PHKG2: variants seen among roughly 807,000 people sequenced by gnomAD.
PHKG2 encodes phosphorylase b kinase gamma catalytic chain, liver/testis isoform.
In PHKG2, 28 loss-of-function variants were observed where a neutral mutation model predicts 44.5. That is an observed-to-expected ratio of 0.63 (90% CI 0.47 to 0.86). The LOEUF is 0.86. Among genes scored for constraint, PHKG2 ranks in the 40% least tolerant of loss-of-function variants. PHKG2 has a pLI of 0.00. For missense variants in PHKG2, 498 were observed against 547.5 expected (o/e 0.91, Z 0.90); for synonymous variants, 220 against 211.2 (o/e 1.04, Z -0.36).
intron 6 of PHKG2, among the ~76,000 whole-genome samples, chr16:30,755,627 G>T (rs542502876): frequency 6.6e-6 from 1 of 151,926 alleles, no homozygotes; most frequent in African/African-American, 2.4e-5. Flanking sequence ...ATTGAGCCGA[G>T]ATCATGCCAT....
rs2053727981 is a variant in PHKG2, at chr16:30,760,923, A to AG, written c.*3827dup. The AG allele has an allele frequency of 3.3e-6, 2 of 612,396 alleles. No individual in the cohort carries two copies. Among genetic ancestry groups the AG allele is most frequent in the Admixed American group, 5.7e-5 (2 of 34,814 alleles). 37.9% of individuals were successfully genotyped at this position (612,396 alleles called of 1,614,324 possible). On this transcript the variant is annotated 3_prime_UTR_variant, in exon 10 of 10. Transcript: ENST00000563588. ...CCACTACCTTGTATGACCTTGGTCA[A>AG]GTACTCCCTGTGGCCCTCAGTGTCC...
rs753334153 is a variant in PHKG2 at position 30,757,082 on chromosome 16, G to T, written c.1206G>T (p.Val402=). The T allele has an allele frequency of 1.2e-6, 2 of 1,613,208 alleles. No homozygotes were observed. The highest frequency in any genetic ancestry group is 2.7e-5 in the African/African-American group (2 of 74,934). The change falls in exon 10 of 10, where the codon GTG becomes GTT. Residue 402 remains valine, a synonymous_variant. Coordinates refer to ENST00000563588, the MANE Select transcript of PHKG2 (RefSeq NM_000294.3). ...DSAAITEDEA[V]LVLG ...CTGCTATAACTGAGGATGAGGCCGT[G>T]CTTGTGCTGGGCTAGGACCTCAACC...
At position 30,760,391 on chromosome 16, in the gene PHKG2, A is replaced by G; in HGVS notation, c.*3294A>G. The G allele has an allele frequency of 6.2e-7, 1 of 1,614,212 alleles. No homozygotes were observed. The highest frequency in any genetic ancestry group is 8.5e-7 in the Non-Finnish European group (1 of 1,180,046). ...AATGAGCGCGTGGCAGAAGAGGTCC[A>G]GGGTGATGGCGTCCCTCAGGCTCTG... On this transcript the variant is annotated 3_prime_UTR_variant, in exon 10 of 10. Coordinates refer to ENST00000563588, the MANE Select transcript of PHKG2 (RefSeq NM_000294.3).
chr16:30,755,271 G>A (rs771869825), intron 6 of PHKG2: 15 of 185,088 alleles, frequency 8.1e-5, no homozygotes, highest in East Asian at 1.4e-4. Context: ...ATACAGACTT[G>A]GATAAAGTTT....
chr16:30,749,163 G>C (rs961677858), intron 2 of PHKG2, among the ~76,000 whole-genome samples: 6 of 143,586 alleles, frequency 4.2e-5, no homozygotes, highest in East Asian at 2.0e-4. Context: ...GGTGCTGGTG[G>C]TGGTGGTGCT....
Position 30,753,429 on chromosome 16 carries a change from T to C in PHKG2, c.428T>C (p.Phe143Ser). 6.2e-7 allele frequency: 1 copy of C among 1,614,192 alleles called. No homozygotes were observed. Among genetic ancestry groups the C allele is most frequent in the Non-Finnish European group, 8.5e-7 (1 of 1,180,038 alleles). ...IMRSLLEAVS[F>S]LHANNIVHRD... ...CGGTCTCTGCTGGAAGCAGTGAGCTTTCTCCATGCCAACAACATTGTGCAT... is the reference window on the plus strand; with the variant it reads ...CGGTCTCTGCTGGAAGCAGTGAGCTCTCTCCATGCCAACAACATTGTGCAT... Residue 143 changes from phenylalanine to serine, a missense_variant, in exon 6 of 10, where the codon TTT becomes TCT. Physicochemically the swap from Phe to Ser is radical, Grantham distance 155. Transcript: ENST00000563588.
chr16:30,751,795 C>A lies in PHKG2; in HGVS notation c.326+192C>A. Reference sequence around the variant, plus strand: ...CTTGGTGCCATGATTGAGGCAAATTCTTTAATAGTGACTAGTGGCTGGGTG... The same window carrying A: ...CTTGGTGCCATGATTGAGGCAAATTATTTAATAGTGACTAGTGGCTGGGTG... On this transcript the variant is annotated intron_variant, in intron 4 of 9. Transcript: ENST00000563588. The A allele has an allele frequency of 4.3e-6, 3 of 698,454 alleles. No homozygotes were observed. In the South Asian group the frequency reaches 4.5e-5, roughly 10 times the overall value. 43.3% of individuals were successfully genotyped at this position (698,454 alleles called of 1,614,324 possible).
intron 8 of PHKG2, 22 bp downstream of exon 8, chr16:30,756,542 A>G (rs1423564716): frequency 6.2e-7 from 1 of 1,612,934 alleles, no homozygotes; most frequent in Non-Finnish European, 8.5e-7. Context: ...CTGAGAGGAC[A>G]GTAGGGGAGG....
chr16:30,748,945 CA>C, intron 2 of PHKG2, 30 bp downstream of exon 2: 2 of 1,498,746 alleles, frequency 1.3e-6, no homozygotes, highest in South Asian at 2.4e-5. Context: ...AACGGAGGTC[CA>C]AAGAGGTCGA....
intron 6 of PHKG2, among the ~76,000 whole-genome samples, chr16:30,755,834 C>T (rs1263287019): frequency 6.6e-6 from 1 of 152,030 alleles, no homozygotes; most frequent in Non-Finnish European, 1.5e-5. Flanking sequence ...CATAATCTTT[C>T]CATATGCATT....
In PHKG2 at chr16:30,760,272, GC is replaced by G; in HGVS notation, c.*3180del. The G allele has an allele frequency of 6.2e-7, 1 of 1,614,120 alleles. No homozygotes were observed. The highest frequency in any genetic ancestry group is 8.5e-7 in the Non-Finnish European group (1 of 1,180,040). On this transcript the variant is annotated 3_prime_UTR_variant, in exon 10 of 10. Coordinates refer to ENST00000563588, the MANE Select transcript of PHKG2 (RefSeq NM_000294.3). ...TCCCTGGGGCTCAAACCTGGTAGCT[GC>G]CCCCTCTCACCAATACAAGCCTTGT... is the stretch of plus-strand genomic sequence containing the variant.
chr16:30,748,746 G>T (rs922503265), intron 1 of PHKG2, 57 bp from the exon 2 acceptor site: 4 of 923,972 alleles, frequency 4.3e-6, no homozygotes, highest in Non-Finnish European at 6.4e-6. Context: ...GCCGCCATGC[G>T]GGTCGTCTCA....
In PHKG2 at chr16:30,759,473, C is replaced by T. The variant is rs543365803; in HGVS notation, c.*2376C>T. On this transcript the variant is annotated 3_prime_UTR_variant, in exon 10 of 10. Coordinates refer to ENST00000563588, the MANE Select transcript of PHKG2 (RefSeq NM_000294.3). ...AAAGGAGGCCGCTGTGGTGGTGACT[C>T]GGAATTAGAACCCTGACTACCTTCC... 142 of 1,614,096 alleles carry T rather than the reference C, an allele frequency of 8.8e-5. No homozygotes were observed. The highest frequency in any genetic ancestry group is 1.6e-4 in the East Asian group (7 of 44,834).
chr16:30,757,280 AG>A lies in PHKG2; in HGVS notation c.*186del, dbSNP rs1446802490. On this transcript the variant is annotated 3_prime_UTR_variant, in exon 10 of 10. Transcript: ENST00000563588. ...ACTCTGAGATCAGAGCTGGGGTGGA[AG>A]GGAGCCATTCTGAACGCCACGCCTG... 2.6e-6 allele frequency: 4 copies of A among 1,548,764 alleles called. No individual in the cohort carries two copies. The highest frequency in any genetic ancestry group is 3.5e-6 in the Non-Finnish European group (4 of 1,156,106).
Position 30,757,473 on chromosome 16 carries a change from G to C in PHKG2, c.*376G>C, listed in dbSNP as rs1278230070. 6.2e-7 allele frequency: 1 copy of C among 1,612,080 alleles called. No homozygotes were observed. Among genetic ancestry groups the C allele is most frequent in the Non-Finnish European group, 8.5e-7 (1 of 1,178,754 alleles). On this transcript the variant is annotated 3_prime_UTR_variant, in exon 10 of 10. Transcript: ENST00000563588. ...AGACCTTTATTGGGGAAAATGTTGG[G>C]GGTCACTTGGTCTTGCTCTTGCCTT...
At position 30,748,436 on chromosome 16, in the gene PHKG2, A is replaced by C; in HGVS notation, c.-73A>C. The stretch of plus-strand genomic sequence containing the variant: ...GGGTTAAGGTGAGCGACTGCAGGCA[A>C]ACCCGGCGACAGCGCAGCTCGCGTC... On this transcript the variant is annotated 5_prime_UTR_variant, in exon 1 of 10. Transcript: ENST00000563588. 1 of 260,760 alleles carries C rather than the reference A, an allele frequency of 3.8e-6. No homozygotes were observed. Among genetic ancestry groups the C allele is most frequent in the Non-Finnish European group, 7.4e-6 (1 of 134,602 alleles). The allele number at this position is 260,760 out of a possible 1,614,324, so 16.2% of individuals were successfully genotyped here. A position where few individuals can be genotyped will look rare whatever the true frequency, so the allele number is the denominator to read the frequency against.
At chr16:30,752,249 T>C (rs1419526739) in intron 4 of PHKG2, among the ~76,000 whole-genome samples, 1 of 137,800 alleles carries the variant, frequency 7.3e-6, no homozygotes, top group Non-Finnish European at 1.6e-5. Flanking sequence ...ATACAAAAAA[T>C]TGGCCAGGCA....
At position 30,759,864 on chromosome 16, in the gene PHKG2, T is replaced by A; in HGVS notation, c.*2767T>A. The stretch of plus-strand genomic sequence containing the variant: ...CACTGGCTTGTTTCCTTAACTCATG[T>A]AACAAATACTGAATACCCACTATAT... On this transcript the variant is annotated 3_prime_UTR_variant, in exon 10 of 10. Transcript: ENST00000563588. 2.7e-6 allele frequency: 4 copies of A among 1,457,164 alleles called. No individual in the cohort carries two copies. The highest frequency in any genetic ancestry group is 1.8e-4 in the Middle Eastern group (1 of 5,546). The allele number at this position is 1,457,164 out of a possible 1,614,324, so 90.3% of individuals were successfully genotyped here.
Position 30,760,127 on chromosome 16 carries a change from G to C in PHKG2, c.*3030G>C, listed in dbSNP as rs1385030921. The C allele has an allele frequency of 1.9e-6, 3 of 1,553,126 alleles. No homozygotes were observed. The highest frequency in any genetic ancestry group is 2.6e-6 in the Non-Finnish European group (3 of 1,155,416). ...GTATCCTTAATTTCTAGATAAGGAA[G>C]CAGTGGATTGGAAAGCTGATGGCTT... On this transcript the variant is annotated 3_prime_UTR_variant, in exon 10 of 10. Coordinates refer to ENST00000563588, the MANE Select transcript of PHKG2 (RefSeq NM_000294.3).
Sources: gnomAD v4.1 joint callset for allele counts (sites outside exome capture counted in the v4.1 genomes callset) on GRCh38, gnomAD v4.1.1 for gene constraint, MANE v1.5 for transcripts, NCBI Gene and HGNC (gene_info 2026-07-23, HGNC 2026-07-21) for gene names.